Variants in CCDC80 observed in about 807,000 individuals in gnomAD.
The protein encoded by CCDC80 is coiled-coil domain containing 80, also known as coiled-coil domain-containing protein 80.
A neutral mutation model predicts 78.7 loss-of-function variants in CCDC80; 49 were observed. The observed-to-expected ratio is 0.62, with a 90% CI of 0.50 to 0.79. The LOEUF (loss-of-function observed/expected upper bound fraction) is 0.79, where lower values mean the gene tolerates loss of function less well. Among genes scored for constraint, CCDC80 ranks in the 30% least tolerant of loss-of-function variants. The pLI, the probability that CCDC80 is intolerant of heterozygous loss-of-function variation, is 0.00. For missense variants in CCDC80, 1,205 were observed against 1,198.6 expected (o/e 1.01, Z -0.08); for synonymous variants, 488 against 447.0 (o/e 1.09, Z -1.16).
chr3:112,640,407 C>G lies in CCDC80; in HGVS notation c.-92G>C, dbSNP rs1206517855. ...TTCCCAGGACAGTTTCCTAGATGAA[C>G]TACTTTTCCTCCCAGCCCTCTCTCT... On this transcript the variant is annotated 5_prime_UTR_variant, in exon 1 of 8. Transcript: ENST00000206423. 6.3e-6 allele frequency: 1 copy of G among 158,626 alleles called. No individual in the cohort carries two copies. The highest frequency in any genetic ancestry group is 1.4e-5 in the Non-Finnish European group (1 of 71,852). 9.8% of individuals were successfully genotyped at this position (158,626 alleles called of 1,614,324 possible). A position where few individuals can be genotyped will look rare whatever the true frequency, so the allele number is the denominator to read the frequency against.
Position 112,639,846 on chromosome 3 carries a change from T to C in CCDC80, c.60A>G (p.Gly20=), listed in dbSNP as rs766587746. 1.2e-6 allele frequency: 2 copies of C among 1,614,114 alleles called. No individual in the cohort carries two copies. Among genetic ancestry groups the C allele is most frequent in the Non-Finnish European group, 1.7e-6 (2 of 1,180,026 alleles). The change falls in exon 2 of 8, where the codon GGA becomes GGG. Residue 20 remains glycine (G), a synonymous_variant. Transcript: ENST00000206423. ...TAGTGGCATGGGGGTGGGGTTCTGA[T>C]CCACACACTAGCCACATGGCCAACA... is the stretch of plus-strand genomic sequence containing the variant. The part of the protein sequence containing the change: ...TMLLAMWLVC[G]SEPHPHATIR...
intron 3 of CCDC80, among the ~76,000 whole-genome samples, chr3:112,623,272 T>G (rs1241144067): frequency 6.6e-6 from 1 of 152,212 alleles, no homozygotes; most frequent in African/African-American, 2.4e-5. Flanking sequence ...TAGACAGCAA[T>G]GACACTGCAG....
chr3:112,620,356 T>C (rs1935840623), intron 3 of CCDC80, among the ~76,000 whole-genome samples: 1 of 152,138 alleles, frequency 6.6e-6, no homozygotes, highest in South Asian at 2.1e-4. Flanking sequence ...GAAAAGGAGC[T>C]GAGAGCCTAG....
At position 112,603,074 on chromosome 3, in the gene CCDC80, C is replaced by T. The variant is rs2705514; in HGVS notation, c.*2343G>A. ...TCATTTACCATTTCCCCAAATCCTA[C>T]GACTTTTCAGAATTATGCTAAATCT... On this transcript the variant is annotated 3_prime_UTR_variant, in exon 8 of 8. Transcript: ENST00000206423. 0.98 allele frequency: 149,613 copies of T among 152,312 alleles called. 73,487 individuals carry two copies. The highest frequency in any genetic ancestry group is 0.99 in the Admixed American group (15,199 of 15,300). The allele number at this position is 152,312 out of a possible 1,614,324, so 9.4% of individuals were successfully genotyped here.
Position 112,598,303 on chromosome 3 carries a change from CCTCT to C in CCDC80, c.*7110_*7113del, listed in dbSNP as rs1935317463. 1 of 152,226 alleles carries C rather than the reference CCTCT, an allele frequency of 6.6e-6. No individual in the cohort carries two copies. The highest frequency in any genetic ancestry group is 1.5e-5 in the Non-Finnish European group (1 of 68,056). 9.4% of individuals were successfully genotyped at this position (152,226 alleles called of 1,614,324 possible). On this transcript the variant is annotated 3_prime_UTR_variant, in exon 8 of 8. Coordinates refer to ENST00000206423, the MANE Select transcript of CCDC80 (RefSeq NM_199511.3). Reference sequence around the variant, plus strand: ...AAATGGTTTCCCAAGGTGTTCCCTACCTCTCTTTTTCTTGGATATCTTTTTGCAT... The same window carrying C: ...AAATGGTTTCCCAAGGTGTTCCCTACCTTTTTCTTGGATATCTTTTTGCAT...
chr3:112,624,783 G>C (rs1196674953), intron 3 of CCDC80, among the ~76,000 whole-genome samples: 1 of 152,122 alleles, frequency 6.6e-6, no homozygotes, highest in Non-Finnish European at 1.5e-5. Flanking sequence ...GAAATATTTA[G>C]TGACTTCACA....
chr3:112,638,536 G>A lies in CCDC80; in HGVS notation c.1370C>T (p.Ala457Val), dbSNP rs199850583. 215 of 1,614,116 alleles carry A rather than the reference G, an allele frequency of 1.3e-4. No homozygotes were observed. In the East Asian group the frequency reaches 4.8e-3, roughly 36 times the overall value. Residue 457 changes from alanine (A) to valine (V), a missense_variant, in exon 2 of 8, where the codon GCT (alanine) becomes GTT (valine). Transcript: ENST00000206423. Reference protein sequence around the residue: ...PTTISEPSTRAAGPGRFRDNR... With the variant: ...PTTISEPSTRVAGPGRFRDNR... ...GTCCCGGAAACGGCCTGGGCCAGCA[G>A]CCCTTGTGCTGGGTTCTGAGATGGT... is the stretch of plus-strand genomic sequence containing the variant.
chr3:112,639,472 A>C lies in CCDC80; in HGVS notation c.434T>G (p.Phe145Cys). The change falls in exon 2 of 8, where the codon TTT (phenylalanine) becomes TGT (cysteine). Residue 145 changes from phenylalanine to cysteine, a missense_variant. By Grantham distance (205) the Phe-to-Cys change is radical (BLOSUM62 -2). Transcript: ENST00000206423. The stretch of plus-strand genomic sequence containing the variant: ...GACCCATACTCTGTTCTTCCCTGCA[A>C]AGCTGGCAAGGATGTTGGGAGAGCT... ...GSSSPNILASFAGKNRVWVIS... is the reference protein window; with the variant it reads ...GSSSPNILASCAGKNRVWVIS... 6.2e-7 allele frequency: 1 copy of C among 1,614,184 alleles called. No homozygotes were observed. The highest frequency in any genetic ancestry group is 1.1e-5 in the South Asian group (1 of 91,082).
At position 112,619,030 on chromosome 3, in the gene CCDC80, C is replaced by G. The variant is rs1271706465; in HGVS notation, c.2110G>C (p.Glu704Gln). 1.2e-6 allele frequency: 2 copies of G among 1,612,100 alleles called. No homozygotes were observed. The highest frequency in any genetic ancestry group is 2.7e-5 in the African/African-American group (2 of 74,930). ...AAGTCATTGTAGGTCATTCCGTACT[C>G]TTTCCTCAGCTCGCTGATGAGACGC... is the stretch of plus-strand genomic sequence containing the variant. ...DQRLISELRKEYGMTYNDFFM... is the reference protein window; with the variant it reads ...DQRLISELRKQYGMTYNDFFM... Residue 704 changes from glutamate to glutamine, a missense_variant, in exon 4 of 8, where the codon GAG becomes CAG. Coordinates refer to ENST00000206423, the MANE Select transcript of CCDC80 (RefSeq NM_199511.3).
In CCDC80 at chr3:112,601,979, C is replaced by G. The variant is rs1024089931; in HGVS notation, c.*3438G>C. 8 of 152,144 alleles carry G rather than the reference C, an allele frequency of 5.3e-5. No individual in the cohort carries two copies. Among genetic ancestry groups the G allele is most frequent in the Admixed American group, 2.0e-4 (3 of 15,276 alleles). The allele number at this position is 152,144 out of a possible 1,614,324, so 9.4% of individuals were successfully genotyped here. A position where few individuals can be genotyped will look rare whatever the true frequency, so the allele number is the denominator to read the frequency against. On this transcript the variant is annotated 3_prime_UTR_variant, in exon 8 of 8. Transcript: ENST00000206423. ...GCACATCTTATTTTATTATACTTCT[C>G]AGATACTGCATTTTTTACAAATTGA...
At chr3:112,625,479 A>G (rs9881785) in intron 3 of CCDC80, among the ~76,000 whole-genome samples, 62,068 of 152,082 alleles carry the variant, frequency 0.41, 15,140 homozygotes, top group Non-Finnish European at 0.54. Context: ...TATGTGTGAT[A>G]TATGTGTAAG....
intron 2 of CCDC80, among the ~76,000 whole-genome samples, chr3:112,633,692 CT>C (rs1313425890): frequency 6.6e-6 from 1 of 152,200 alleles, no homozygotes; most frequent in Non-Finnish European, 1.5e-5. Flanking sequence ...TACATTTAAT[CT>C]GCTCCTCAAG....
At chr3:112,635,453 C>T (rs1936188030) in intron 2 of CCDC80, among the ~76,000 whole-genome samples, 1 of 152,186 alleles carries the variant, frequency 6.6e-6, no homozygotes, top group South Asian at 2.1e-4. Context: ...TAACATTAGC[C>T]AAGTTTGATG....
intron 2 of CCDC80, among the ~76,000 whole-genome samples, chr3:112,631,886 T>C (rs1263554873): frequency 6.6e-6 from 1 of 152,216 alleles, no homozygotes; most frequent in Non-Finnish European, 1.5e-5. Context: ...GTTTTTGTTT[T>C]GTTTTGTTTT....
In CCDC80 at chr3:112,600,974, T is replaced by C. The variant is rs761209778; in HGVS notation, c.*4443A>G. 2.0e-5 allele frequency: 3 copies of C among 152,188 alleles called. No individual in the cohort carries two copies. The highest frequency in any genetic ancestry group is 2.9e-5 in the Non-Finnish European group (2 of 68,014). 9.4% of individuals were successfully genotyped at this position (152,188 alleles called of 1,614,324 possible). On this transcript the variant is annotated 3_prime_UTR_variant, in exon 8 of 8. Transcript: ENST00000206423. Reference sequence around the variant, plus strand: ...CAGTACACTTCGACGTGGCTCACTTTCCTGCACACCTCAGGCAGCTTGTAC... The same window carrying C: ...CAGTACACTTCGACGTGGCTCACTTCCCTGCACACCTCAGGCAGCTTGTAC...
intron 4 of CCDC80, among the ~76,000 whole-genome samples, chr3:112,617,207 CT>C (rs1935771102): frequency 6.6e-6 from 1 of 152,182 alleles, no homozygotes; most frequent in South Asian, 2.1e-4. Flanking sequence ...CTGAGAAACA[CT>C]GTACCTAACA....
Position 112,603,585 on chromosome 3 carries a change from A to G in CCDC80, c.*1832T>C, listed in dbSNP as rs1219919527. ...TGTATATAAAATATATATATAAATGATCAGTTCCAGACCACTATAATATAT... is the reference window on the plus strand; with the variant it reads ...TGTATATAAAATATATATATAAATGGTCAGTTCCAGACCACTATAATATAT... On this transcript the variant is annotated 3_prime_UTR_variant, in exon 8 of 8. Transcript: ENST00000206423. 2.0e-5 allele frequency: 3 copies of G among 147,142 alleles called. No homozygotes were observed. The highest frequency in any genetic ancestry group is 7.4e-5 in the African/African-American group (3 of 40,326). 9.1% of individuals were successfully genotyped at this position (147,142 alleles called of 1,614,324 possible).
At chr3:112,622,226 G>A (rs192141596) in intron 3 of CCDC80, among the ~76,000 whole-genome samples, 61 of 152,224 alleles carry the variant, frequency 4.0e-4, no homozygotes, top group African/African-American at 8.9e-4. Flanking sequence ...TTTCAAAGCC[G>A]GTTTTCTTTC....
At chr3:112,607,895 A>G (rs550973629) in intron 6 of CCDC80, among the ~76,000 whole-genome samples, 2 of 152,382 alleles carry the variant, frequency 1.3e-5, no homozygotes, top group East Asian at 3.9e-4. Context: ...CTTTCAGAGA[A>G]AAGACTACAG....
Sources: allele counts gnomAD v4.1 joint callset (sites outside exome capture counted in the v4.1 genomes callset), GRCh38; gene constraint gnomAD v4.1.1; transcripts MANE v1.5; gene names NCBI Gene and HGNC (gene_info 2026-07-23, HGNC 2026-07-21).